Variants in LCOR observed in about 807,000 individuals in gnomAD.
LCOR encodes ligand-dependent corepressor.
A neutral mutation model predicts 64.4 loss-of-function variants in LCOR; 14 were observed. The ratio of observed to expected loss-of-function variants is 0.22; its 90% CI spans 0.14 to 0.34. The LOEUF (loss-of-function observed/expected upper bound fraction) is 0.34. Among genes scored for constraint, LCOR ranks in the 10% least tolerant of loss-of-function variants. The probability of loss-of-function intolerance (pLI) is 1.00; values close to 1 mark genes in which losing one functional copy is unlikely to be tolerated. For synonymous variants in LCOR, 643 were observed against 642.5 expected (o/e 1.00, Z -0.01); for missense variants, 1,686 against 1,765.3 (o/e 0.96, Z 0.80).
intron 2 of LCOR, among the ~76,000 whole-genome samples, chr10:96,906,717 T>C (rs1490448294): frequency 2.0e-5 from 3 of 152,198 alleles, no homozygotes; most frequent in Admixed American, 6.5e-5. Flanking sequence ...TACATAGTTA[T>C]TGTGGCAATG....
chr10:96,932,105 T>C (rs1847271370), intron 4 of LCOR, among the ~76,000 whole-genome samples: 1 of 152,190 alleles, frequency 6.6e-6, no homozygotes, highest in African/African-American at 2.4e-5. Flanking sequence ...CCAGGATATC[T>C]TAAAGATATA....
intron 2 of LCOR, among the ~76,000 whole-genome samples, chr10:96,873,618 T>G (rs918036633): frequency 1.1e-5 from 1 of 87,218 alleles, no homozygotes; most frequent in Non-Finnish European, 2.9e-5. Context: ...GTGTGTGTGT[T>G]TTGAGACAGG....
chr10:96,952,303 C>A, intron 7 of LCOR, 107 bp downstream of exon 7: 2 of 707,578 alleles, frequency 2.8e-6, no homozygotes, highest in Non-Finnish European at 2.4e-6. Context: ...CTAAGTAAGT[C>A]ATTTATAAAT....
chr10:96,909,052 C>T (rs1846782857), intron 4 of LCOR, among the ~76,000 whole-genome samples: 1 of 152,134 alleles, frequency 6.6e-6, no homozygotes, highest in South Asian at 2.1e-4. Flanking sequence ...AAATCATTGA[C>T]CAGATTTTAT....
chr10:96,883,355 A>G (rs968334084), intron 2 of LCOR, among the ~76,000 whole-genome samples: 8 of 152,182 alleles, frequency 5.3e-5, no homozygotes, highest in Non-Finnish European at 1.2e-4. Flanking sequence ...TTATGTGGAC[A>G]TGTTTTCATT....
chr10:96,975,879 G>C (rs918428158), intron 7 of LCOR, among the ~76,000 whole-genome samples: 1 of 152,124 alleles, frequency 6.6e-6, no homozygotes, highest in Non-Finnish European at 1.5e-5. Flanking sequence ...GCCGGACGTG[G>C]TGGTGGGCGC....
In LCOR at chr10:96,881,410, A is replaced by G. The variant is rs567816922; in HGVS notation, c.-329-25855A>G. 2.6e-5 allele frequency among the ~76,000 whole-genome samples: 4 copies of G among 152,132 alleles called. No individual in the cohort carries two copies. The South Asian group carries it at 8.3e-4, about 32-fold the overall frequency. ...TGCTGTTGCTATGTGAATGTGGCAG[A>G]TATCAAGTCCTGGCTTTGTGATATA... On this transcript the variant is annotated intron_variant, in intron 2 of 7. Coordinates refer to ENST00000421806, the MANE Select transcript of LCOR (RefSeq NM_001346516.2).
chr10:96,927,169 A>G (rs185106324), intron 4 of LCOR, among the ~76,000 whole-genome samples: 1 of 152,246 alleles, frequency 6.6e-6, no homozygotes, highest in East Asian at 1.9e-4. Flanking sequence ...CGTCTTACCA[A>G]CATTTGGTAT....
At chr10:96,923,917 A>G (rs952197437) in intron 4 of LCOR, among the ~76,000 whole-genome samples, 4 of 152,208 alleles carry the variant, frequency 2.6e-5, no homozygotes, top group South Asian at 4.1e-4. Flanking sequence ...CAGAGACTCT[A>G]TCTGGCCTGT....
At chr10:96,975,079 A>G (rs1355908122) in intron 7 of LCOR, among the ~76,000 whole-genome samples, 1 of 152,214 alleles carries the variant, frequency 6.6e-6, no homozygotes, top group Non-Finnish European at 1.5e-5. Flanking sequence ...GCTGAGGCCC[A>G]AGAATTGCTT....
Position 96,929,474 on chromosome 10 carries a change from A to G in LCOR, c.-183-14639A>G, listed in dbSNP as rs139350058. On this transcript the variant is annotated intron_variant, in intron 4 of 7. Transcript: ENST00000421806. Reference sequence around the variant, plus strand: ...GCAGCTTCCTCACCTCTCAGCCTTCATAGAATTGAAGAGAGTTAGAGCCTT... The same window carrying G: ...GCAGCTTCCTCACCTCTCAGCCTTCGTAGAATTGAAGAGAGTTAGAGCCTT... Among the ~76,000 whole-genome samples, 1,039 of 152,282 alleles carry G rather than the reference A, an allele frequency of 6.8e-3. 11 individuals are homozygous for G. The highest frequency in any genetic ancestry group is 0.023 in the African/African-American group (972 of 41,546).
chr10:96,945,640 TTCTATCAGTTTGCTTACCAAATAAAATA>T (rs1847574224), intron 5 of LCOR, among the ~76,000 whole-genome samples: 2 of 152,248 alleles, frequency 1.3e-5, no homozygotes, highest in Admixed American at 6.5e-5. Context: ...TATAGAGCAG[TTCTATCAGTTTGCTTACCAAATAAAATA>T]TCTTTACAGC....
At chr10:96,891,634 C>T (rs978584185) in intron 2 of LCOR, among the ~76,000 whole-genome samples, 2 of 138,638 alleles carry the variant, frequency 1.4e-5, no homozygotes, top group Non-Finnish European at 3.0e-5. Flanking sequence ...CTTCTGCCTC[C>T]CAGGTTCAAG....
rs962495263 is a variant in LCOR, at chr10:96,907,652, G to A, written c.-263-16G>A. The A allele has an allele frequency of 2.2e-6, 2 of 921,446 alleles. No homozygotes were observed. Among genetic ancestry groups the A allele is most frequent in the African/African-American group, 1.8e-5 (1 of 55,808 alleles). 57.1% of individuals were successfully genotyped at this position (921,446 alleles called of 1,614,324 possible). A position where few individuals can be genotyped will look rare whatever the true frequency, so the allele number is the denominator to read the frequency against. Reference sequence around the variant, plus strand: ...AATTCTCTTTTATGACTATTAATTTGTTACTATTTTTGCAGACTGTGAACC... The same window carrying A: ...AATTCTCTTTTATGACTATTAATTTATTACTATTTTTGCAGACTGTGAACC... On this transcript the variant is annotated splice_polypyrimidine_tract_variant and intron_variant, in intron 3 of 7. Coordinates refer to ENST00000421806, the MANE Select transcript of LCOR (RefSeq NM_001346516.2).
chr10:96,983,470 G>A lies in LCOR; in HGVS notation c.3010G>A (p.Asp1004Asn), dbSNP rs372969030. The change falls in exon 8 of 8, where the codon GAT becomes AAT. Residue 1004 changes from aspartate (D) to asparagine (N), a missense_variant. Coordinates refer to ENST00000421806, the MANE Select transcript of LCOR (RefSeq NM_001346516.2). The surrounding 1 kb of genome is among the most constrained non-coding windows in gnomAD (Gnocchi z 4.5). ...CAACGAAAACACCCAGCAGAAAGAT[G>A]ATGAGAGTGATGCCCCATGCAGCTC... ...VDNENTQQKD[D>N]ESDAPCSSLG... The A allele has an allele frequency of 7.4e-6, 12 of 1,614,036 alleles. No homozygotes were observed. Among genetic ancestry groups the A allele is most frequent in the Non-Finnish European group, 1.0e-5 (12 of 1,180,044 alleles).
At chr10:96,933,508 G>T (rs141952173) in intron 4 of LCOR, among the ~76,000 whole-genome samples, 7 of 152,268 alleles carry the variant, frequency 4.6e-5, no homozygotes, top group African/African-American at 1.7e-4. Flanking sequence ...AATGGAATTG[G>T]TTTCAATTTA....
intron 2 of LCOR, among the ~76,000 whole-genome samples, chr10:96,874,566 A>G (rs989227240): frequency 6.6e-6 from 1 of 152,128 alleles, no homozygotes; most frequent in African/African-American, 2.4e-5. Flanking sequence ...TCTGCAAATC[A>G]TGAACTCTCA....
chr10:96,880,175 A>G (rs907287030), intron 2 of LCOR, among the ~76,000 whole-genome samples: 2 of 152,182 alleles, frequency 1.3e-5, no homozygotes, highest in African/African-American at 4.8e-5. Context: ...TATTGCCCCA[A>G]AAGGCAGTGT....
chr10:96,970,605 T>C (rs1847990439), intron 7 of LCOR, among the ~76,000 whole-genome samples: 1 of 148,502 alleles, frequency 6.7e-6, no homozygotes, highest in Non-Finnish European at 1.5e-5. Flanking sequence ...CAGCATTTTA[T>C]TTTATTTTAT....
Sources: gnomAD v4.1 joint callset for allele counts (sites outside exome capture counted in the v4.1 genomes callset) on GRCh38, gnomAD v4.1.1 for gene constraint, Gnocchi (gnomAD v3.1) non-coding constraint, MANE v1.5 for transcripts, NCBI Gene and HGNC (gene_info 2026-07-23, HGNC 2026-07-21) for gene names.